The following PTPRT variants were observed in gnomAD, a reference collection of about 807,000 sequenced individuals.
PTPRT encodes the protein receptor-type tyrosine-protein phosphatase T.
PTPRT carries 56 observed loss-of-function variants against 176.8 expected under a neutral mutation model. The ratio of observed to expected loss-of-function variants is 0.32; its 90% CI spans 0.26 to 0.40. The LOEUF (loss-of-function observed/expected upper bound fraction) is 0.40, where lower values mean the gene tolerates loss of function less well. Among genes scored for constraint, PTPRT ranks in the 10% least tolerant of loss-of-function variants. PTPRT has a pLI of 1.00. For synonymous variants in PTPRT, 783 were observed against 739.0 expected (o/e 1.06, Z -0.96); for missense variants, 1,540 against 1,908.2 (o/e 0.81, Z 3.60).
intron 1 of PTPRT, among the ~76,000 whole-genome samples, chr20:43,110,136 T>C (rs552317605): frequency 5.9e-5 from 9 of 152,310 alleles, no homozygotes; most frequent in African/African-American, 2.2e-4. Context: ...CTCAGGCTGC[T>C]TCCACTCATG....
At position 42,496,990 on chromosome 20, in the gene PTPRT, G is replaced by T. The variant is rs146635215; in HGVS notation, c.1154-24428C>A. ...ATGTTCAACTCATTGGGTTCTAGGG[G>T]GCCAGAGGTATTGTCTAATAGCAAA... On this transcript the variant is annotated intron_variant, in intron 7 of 30. Transcript: ENST00000373187. Among the ~76,000 whole-genome samples, 1,118 of 152,170 alleles carry T rather than the reference G, an allele frequency of 7.3e-3. 10 individuals carry two copies. The highest frequency in any genetic ancestry group is 0.025 in the African/African-American group (1,056 of 41,526).
At chr20:42,627,385 T>A (rs768236834) in intron 7 of PTPRT, among the ~76,000 whole-genome samples, 7 of 151,968 alleles carry the variant, frequency 4.6e-5, no homozygotes, top group Non-Finnish European at 8.8e-5. Flanking sequence ...TGCCTCAACC[T>A]CCCATGCCCA....
At chr20:43,032,228 A>T (rs1986166990) in intron 1 of PTPRT, among the ~76,000 whole-genome samples, 1 of 152,176 alleles carries the variant, frequency 6.6e-6, no homozygotes, top group African/African-American at 2.4e-5. Flanking sequence ...GAGTGAAACA[A>T]AATTTAAACA....
chr20:42,120,046 C>T, intron 19 of PTPRT, 75 bp from the exon 20 acceptor site: 1 of 1,330,712 alleles, frequency 7.5e-7, no homozygotes, highest in Non-Finnish European at 1.0e-6. Flanking sequence ...AATAAACATC[C>T]TCTCCAAGTC....
At chr20:42,276,269 T>C (rs1303810757) in intron 13 of PTPRT, among the ~76,000 whole-genome samples, 1 of 151,602 alleles carries the variant, frequency 6.6e-6, no homozygotes, top group African/African-American at 2.4e-5. Context: ...GAAGGTCAAG[T>C]ACTGAAAAGT....
intron 7 of PTPRT, among the ~76,000 whole-genome samples, chr20:42,607,755 G>T (rs2073903877): frequency 6.6e-6 from 1 of 152,196 alleles, no homozygotes; most frequent in South Asian, 2.1e-4. Flanking sequence ...GGGGCTGGGA[G>T]TGCACAGCGG....
At chr20:42,904,467 G>C (rs1184800666) in intron 1 of PTPRT, among the ~76,000 whole-genome samples, 1 of 152,164 alleles carries the variant, frequency 6.6e-6, no homozygotes, top group Non-Finnish European at 1.5e-5. Flanking sequence ...TGTTTAAAAT[G>C]GATCTGGCTG....
At chr20:42,656,807 A>G (rs1166896558) in intron 7 of PTPRT, among the ~76,000 whole-genome samples, 2 of 152,196 alleles carry the variant, frequency 1.3e-5, no homozygotes, top group Non-Finnish European at 2.9e-5. Flanking sequence ...CAGTATATTA[A>G]GACTGTAATC....
At chr20:42,650,767 C>A (rs2075015362) in intron 7 of PTPRT, among the ~76,000 whole-genome samples, 1 of 152,118 alleles carries the variant, frequency 6.6e-6, no homozygotes, top group African/African-American at 2.4e-5. Flanking sequence ...AAAGCAATTT[C>A]CTTCCTATAT....
chr20:42,134,597 C>A (rs1477887759), intron 18 of PTPRT, among the ~76,000 whole-genome samples: 3 of 152,118 alleles, frequency 2.0e-5, no homozygotes, highest in Admixed American at 6.5e-5. Context: ...ATCTGCTGTT[C>A]CTTGCTTGAG....
chr20:43,080,067 ACCAGGCCTACCT>A (rs1162287074), intron 1 of PTPRT, among the ~76,000 whole-genome samples: 2 of 152,196 alleles, frequency 1.3e-5, no homozygotes, highest in Admixed American at 6.5e-5. Flanking sequence ...GCCTCTCTCT[ACCAGGCCTACCT>A]CCATGGGGCC....
At chr20:42,884,689 G>A (rs2079075453) in intron 2 of PTPRT, among the ~76,000 whole-genome samples, 1 of 152,140 alleles carries the variant, frequency 6.6e-6, no homozygotes, top group African/African-American at 2.4e-5. Flanking sequence ...GCACTGACAG[G>A]GGAGACTGAG....
intron 9 of PTPRT, among the ~76,000 whole-genome samples, chr20:42,392,101 C>T (rs1017101585): frequency 1.3e-4 from 20 of 152,326 alleles, no homozygotes; most frequent in African/African-American, 3.6e-4. Flanking sequence ...CTCCCTACCT[C>T]ACAGTTAATT....
At chr20:43,030,550 T>C (rs1986101386) in intron 1 of PTPRT, among the ~76,000 whole-genome samples, 1 of 152,022 alleles carries the variant, frequency 6.6e-6, no homozygotes, top group Non-Finnish European at 1.5e-5. Flanking sequence ...AATATACCTC[T>C]GTTGTTCAGT....
chr20:42,436,547 A>T (rs2059263693), intron 9 of PTPRT, among the ~76,000 whole-genome samples: 1 of 152,184 alleles, frequency 6.6e-6, no homozygotes, highest in Non-Finnish European at 1.5e-5. Context: ...AATGTTGGAG[A>T]GGGTTTGAAA....
At chr20:42,229,776 A>G (rs2056096721) in intron 15 of PTPRT, among the ~76,000 whole-genome samples, 1 of 152,236 alleles carries the variant, frequency 6.6e-6, no homozygotes, top group South Asian at 2.1e-4. Flanking sequence ...ACACAGATGC[A>G]AAAATAGAAG....
At chr20:42,996,146 G>A (rs925436343) in intron 1 of PTPRT, among the ~76,000 whole-genome samples, 1 of 152,266 alleles carries the variant, frequency 6.6e-6, no homozygotes, top group Non-Finnish European at 1.5e-5. Context: ...AGAGTTCCCA[G>A]CACCAAGTGT....
intron 6 of PTPRT, among the ~76,000 whole-genome samples, chr20:42,725,979 C>T (rs572133858): frequency 6.6e-6 from 1 of 152,098 alleles, no homozygotes; most frequent in East Asian, 1.9e-4. Context: ...AAATCCTTAA[C>T]TCCATCATAC....
chr20:42,256,002 G>A (rs2056632110), intron 13 of PTPRT, among the ~76,000 whole-genome samples: 1 of 152,170 alleles, frequency 6.6e-6, no homozygotes, highest in African/African-American at 2.4e-5. Context: ...CTACTGAATG[G>A]CTTCTTTTGT....
Sources: allele counts gnomAD v4.1 joint callset (sites outside exome capture counted in the v4.1 genomes callset), GRCh38; gene constraint gnomAD v4.1.1; transcripts MANE v1.5; gene names NCBI Gene and HGNC (gene_info 2026-07-23, HGNC 2026-07-21).